DNAJC24: variants seen among roughly 807,000 people sequenced by gnomAD.
DNAJC24 encodes the protein DnaJ heat shock protein family (Hsp40) member C24, also known as dnaJ homolog subfamily C member 24.
A neutral mutation model predicts 18.0 loss-of-function variants in DNAJC24; 17 were observed. That is an observed-to-expected ratio of 0.94 (90% CI 0.65 to 1.42). DNAJC24 has a LOEUF of 1.42. Ranked by LOEUF, DNAJC24 falls within the 40% of genes most tolerant of loss-of-function variation. The probability of loss-of-function intolerance (pLI) is 0.00; values close to 1 mark genes in which losing one functional copy is unlikely to be tolerated. For synonymous variants in DNAJC24, 55 were observed against 57.7 expected (o/e 0.95, Z 0.21); for missense variants, 158 against 175.6 (o/e 0.90, Z 0.57).
intron 2 of DNAJC24, among the ~76,000 whole-genome samples, chr11:31,400,442 A>G (rs915340737): frequency 4.6e-5 from 7 of 152,226 alleles, no homozygotes; most frequent in African/African-American, 1.7e-4. Context: ...CAAAAAGAAC[A>G]AAGCTGGAGG....
In DNAJC24 at chr11:31,430,460, G is replaced by C. The variant is rs561709679; in HGVS notation, c.*59G>C. On this transcript the variant is annotated 3_prime_UTR_variant, in exon 5 of 5. Transcript: ENST00000465995. ...TATTGAGACATGATGAGAAGCCGTT[G>C]AGCTTTGTCCATTCAAGGAAATGGA... 1 of 1,475,988 alleles carries C rather than the reference G, an allele frequency of 6.8e-7. No homozygotes were observed. Among genetic ancestry groups the C allele is most frequent in the Admixed American group, 2.0e-5 (1 of 50,616 alleles). 91.4% of individuals were successfully genotyped at this position (1,475,988 alleles called of 1,614,324 possible).
chr11:31,425,250 A>G (rs760920691), intron 3 of DNAJC24, among the ~76,000 whole-genome samples: 2 of 152,204 alleles, frequency 1.3e-5, no homozygotes, highest in Non-Finnish European at 2.9e-5. Context: ...TTATTGAAAT[A>G]CTGAAATAAG....
At chr11:31,425,096 C>T (rs1471702608) in intron 3 of DNAJC24, among the ~76,000 whole-genome samples, 2 of 151,946 alleles carry the variant, frequency 1.3e-5, no homozygotes, top group East Asian at 1.9e-4. Context: ...ACCCAAAGAA[C>T]ACTTGTTTTA....
intron 2 of DNAJC24, among the ~76,000 whole-genome samples, chr11:31,390,111 A>T (rs1226137565): frequency 6.6e-6 from 1 of 152,172 alleles, no homozygotes; most frequent in Admixed American, 6.6e-5. Flanking sequence ...AAGATGTAAT[A>T]AAATCAAGCT....
chr11:31,417,926 G>A (rs1297849081), intron 3 of DNAJC24, among the ~76,000 whole-genome samples: 1 of 151,958 alleles, frequency 6.6e-6, no homozygotes, highest in Non-Finnish European at 1.5e-5. Context: ...TTCCAATAAA[G>A]AAAAAGTAAT....
chr11:31,370,268 C>T (rs1462307118), intron 1 of DNAJC24, among the ~76,000 whole-genome samples: 1 of 152,162 alleles, frequency 6.6e-6, no homozygotes, highest in East Asian at 1.9e-4. Context: ...GAGAAACTTT[C>T]AGAAGGAATG....
chr11:31,416,309 A>C (rs993080696), intron 3 of DNAJC24: 1 of 152,202 alleles, frequency 6.6e-6, no homozygotes, highest in Non-Finnish European at 1.5e-5. Context: ...TTGCAAAAGA[A>C]TGTAGAAGTG....
chr11:31,415,007 C>T, intron 3 of DNAJC24, 58 bp downstream of exon 3: 1 of 1,569,332 alleles, frequency 6.4e-7, no homozygotes, highest in Non-Finnish European at 8.6e-7. Flanking sequence ...GCACACTCTG[C>T]AGCCATTCCT....
intron 2 of DNAJC24, among the ~76,000 whole-genome samples, chr11:31,397,308 A>C (rs1287087018): frequency 6.6e-6 from 1 of 152,226 alleles, no homozygotes; most frequent in Non-Finnish European, 1.5e-5. Flanking sequence ...CACGTGGGTT[A>C]TATTTTCTCT....
At chr11:31,412,158 A>G (rs900008248) in intron 2 of DNAJC24, among the ~76,000 whole-genome samples, 1 of 152,160 alleles carries the variant, frequency 6.6e-6, no homozygotes, top group Non-Finnish European at 1.5e-5. Context: ...AAATTTAATA[A>G]TATTTTTTAG....
At chr11:31,374,067 A>G (rs1002810771) in intron 2 of DNAJC24, 2 of 371,938 alleles carry the variant, frequency 5.4e-6, no homozygotes, top group African/African-American at 4.1e-5. Flanking sequence ...TGTCTTACCA[A>G]TCTGTATGTC....
chr11:31,385,402 G>A (rs753599997), intron 2 of DNAJC24, among the ~76,000 whole-genome samples: 1 of 152,120 alleles, frequency 6.6e-6, no homozygotes, highest in Non-Finnish European at 1.5e-5. Flanking sequence ...TCTTATGCAT[G>A]TACTACTGTA....
At chr11:31,375,309 C>T (rs612888) in intron 2 of DNAJC24, among the ~76,000 whole-genome samples, 24,614 of 135,126 alleles carry the variant, frequency 0.18, 7,288 homozygotes, top group African/African-American at 0.53. Context: ...TTCTCACTCA[C>T]TGTTTCAAAA....
intron 2 of DNAJC24, among the ~76,000 whole-genome samples, chr11:31,410,922 C>T (rs962429135): frequency 3.9e-5 from 6 of 152,120 alleles, no homozygotes; most frequent in Non-Finnish European, 8.8e-5. Context: ...TGTCCATTTT[C>T]CCTAAACTGA....
chr11:31,427,941 G>T (rs771082815), intron 4 of DNAJC24: 2 of 147,580 alleles, frequency 1.4e-5, no homozygotes, highest in African/African-American at 5.0e-5. Context: ...TAGGAAGACT[G>T]TGAGAACAGA....
chr11:31,396,414 A>G, intron 2 of DNAJC24: 2 of 367,218 alleles, frequency 5.4e-6, no homozygotes, highest in South Asian at 4.3e-5. Context: ...CCCCTCAATT[A>G]TATGCAAATT....
intron 2 of DNAJC24, among the ~76,000 whole-genome samples, chr11:31,388,795 C>A (rs1362564695): frequency 1.3e-5 from 2 of 151,916 alleles, no homozygotes; most frequent in Non-Finnish European, 2.9e-5. Flanking sequence ...AAAGTAATTG[C>A]TACAATAACA....
chr11:31,391,374 G>A (rs1338094019), intron 2 of DNAJC24, among the ~76,000 whole-genome samples: 1 of 152,076 alleles, frequency 6.6e-6, no homozygotes, highest in Non-Finnish European at 1.5e-5. Context: ...CATCTGACAA[G>A]GGGTTAATAA....
At chr11:31,384,352 G>A (rs1952407192) in intron 2 of DNAJC24, among the ~76,000 whole-genome samples, 1 of 152,108 alleles carries the variant, frequency 6.6e-6, no homozygotes, top group Non-Finnish European at 1.5e-5. Context: ...TTATGCCTGT[G>A]GCTCCCTCTC....
Sources: gnomAD v4.1 joint callset for allele counts (sites outside exome capture counted in the v4.1 genomes callset) on GRCh38, gnomAD v4.1.1 for gene constraint, MANE v1.5 for transcripts, NCBI Gene and HGNC (gene_info 2026-07-23, HGNC 2026-07-21) for gene names.